Variants in HMGN4 observed in about 807,000 individuals in gnomAD.
HMGN4 encodes high mobility group nucleosomal binding domain 4.
For missense variants in HMGN4, 69 were observed against 104.9 expected (o/e 0.66, Z 1.49); for synonymous variants, 39 against 39.1 (o/e 1.00, Z 0.01).
chr6:26,538,761 G>T (rs1373052537), intron 1 of HMGN4, among the ~76,000 whole-genome samples: 1 of 152,196 alleles, frequency 6.6e-6, no homozygotes, highest in East Asian at 1.9e-4. Flanking sequence ...ACCGGGATGA[G>T]AAGTCCTAAT....
At chr6:26,539,321 T>A (rs1300333723) in intron 1 of HMGN4, among the ~76,000 whole-genome samples, 2 of 152,204 alleles carry the variant, frequency 1.3e-5, no homozygotes, top group Non-Finnish European at 2.9e-5. Context: ...CTCACTCTGT[T>A]GTCCAGGCTG....
rs1306805192 is a variant in HMGN4, at chr6:26,546,233, T to C, written c.*754T>C. On this transcript the variant is annotated 3_prime_UTR_variant, in exon 2 of 2. Coordinates refer to ENST00000377575, the MANE Select transcript of HMGN4 (RefSeq NM_006353.3). ...GTTTTTAAAAAGTATCATATAAAGCTGAATACAAATTGGTTTGGGGGGAGA... is the reference window on the plus strand; with the variant it reads ...GTTTTTAAAAAGTATCATATAAAGCCGAATACAAATTGGTTTGGGGGGAGA... 1.2e-5 allele frequency: 2 copies of C among 167,110 alleles called. No individual in the cohort carries two copies. Among genetic ancestry groups the C allele is most frequent in the Admixed American group, 6.5e-5 (1 of 15,286 alleles). 10.4% of individuals were successfully genotyped at this position (167,110 alleles called of 1,614,324 possible).
intron 1 of HMGN4, 131 bp downstream of exon 1, chr6:26,538,632 C>T (rs1764249543): frequency 6.5e-6 from 1 of 153,986 alleles, no homozygotes; most frequent in African/African-American, 2.4e-5. Context: ...CCTTGGGCCC[C>T]GTCAGCCCCG....
chr6:26,538,790 C>G (rs1764251448), intron 1 of HMGN4, among the ~76,000 whole-genome samples: 1 of 152,128 alleles, frequency 6.6e-6, no homozygotes, highest in South Asian at 2.1e-4. Flanking sequence ...TAGGGGCGTT[C>G]TAAAAGAAGG....
chr6:26,545,035 C>T (rs771708970), intron 1 of HMGN4, 92 bp from the exon 2 acceptor site: 62 of 454,126 alleles, frequency 1.4e-4, no homozygotes, highest in Non-Finnish European at 2.0e-4. Context: ...TTGATATACA[C>T]GAATTATTAA....
At chr6:26,544,859 G>A (rs1764329541) in intron 1 of HMGN4, among the ~76,000 whole-genome samples, 1 of 152,116 alleles carries the variant, frequency 6.6e-6, no homozygotes, top group South Asian at 2.1e-4. Flanking sequence ...AGAAGTACCT[G>A]TTAACATTTT....
intron 1 of HMGN4, among the ~76,000 whole-genome samples, chr6:26,544,700 G>A (rs1581447109): frequency 1.3e-5 from 2 of 152,116 alleles, no homozygotes; most frequent in South Asian, 4.1e-4. Context: ...AGTACATAAG[G>A]GTTTTGATTG....
intron 1 of HMGN4, among the ~76,000 whole-genome samples, chr6:26,538,988 GA>G (rs960137491): frequency 6.6e-6 from 1 of 152,096 alleles, no homozygotes; most frequent in African/African-American, 2.4e-5. Flanking sequence ...CCATCACAAA[GA>G]AAAAATGGAT....
Position 26,545,395 on chromosome 6 carries a change from A to T in HMGN4, c.189A>T (p.Gly63=). 1.9e-6 allele frequency: 3 copies of T among 1,613,892 alleles called. No individual in the cohort carries two copies. Among genetic ancestry groups the T allele is most frequent in the Non-Finnish European group, 2.5e-6 (3 of 1,179,938 alleles). ...PKGRKGKADA[G]KDGNNPAKNR... ...GGAGAAAGGGGAAAGCAGATGCTGG[A>T]AAGGATGGGAACAACCCTGCAAAAA... is the stretch of plus-strand genomic sequence containing the variant. The change falls in exon 2 of 2, where the codon GGA becomes GGT. Residue 63 remains glycine (G), a synonymous_variant. Coordinates refer to ENST00000377575, the MANE Select transcript of HMGN4 (RefSeq NM_006353.3).
At chr6:26,539,663 A>G (rs1345804946) in intron 1 of HMGN4, among the ~76,000 whole-genome samples, 1 of 151,244 alleles carries the variant, frequency 6.6e-6, no homozygotes. Context: ...AGAAAAGAAA[A>G]GAAAGAAAAG....
chr6:26,543,227 C>G (rs1337228953), intron 1 of HMGN4, among the ~76,000 whole-genome samples: 6 of 152,000 alleles, frequency 3.9e-5, no homozygotes. Context: ...TCACTGGTTC[C>G]TTCATTGTAA....
At position 26,545,821 on chromosome 6, in the gene HMGN4, C is replaced by T. The variant is rs1258621050; in HGVS notation, c.*342C>T. ...GGGGAACCAAAACTTCGTGTCTCCC[C>T]TTTCCCCGATGCCATCAGCATAGAC... On this transcript the variant is annotated 3_prime_UTR_variant, in exon 2 of 2. Transcript: ENST00000377575. The T allele has an allele frequency of 5.8e-6, 1 of 173,756 alleles. No individual in the cohort carries two copies. Among genetic ancestry groups the T allele is most frequent in the African/African-American group, 2.4e-5 (1 of 41,644 alleles). The allele number at this position is 173,756 out of a possible 1,614,324, so 10.8% of individuals were successfully genotyped here.
rs1409191193 is a variant in HMGN4 at position 26,542,387 on chromosome 6, A to G, written c.-80-2740A>G. Among the ~76,000 whole-genome samples, 1 of 152,218 alleles carries G rather than the reference A, an allele frequency of 6.6e-6. No individual in the cohort carries two copies. The highest frequency in any genetic ancestry group is 6.5e-5 in the Admixed American group (1 of 15,278). Reference sequence around the variant, plus strand: ...TTGATAGCTTATTATTAACTAAAATATATAGTTTACATCAGGGTTCACTCA... The same window carrying G: ...TTGATAGCTTATTATTAACTAAAATGTATAGTTTACATCAGGGTTCACTCA... On this transcript the variant is annotated intron_variant, in intron 1 of 1. Coordinates refer to ENST00000377575, the MANE Select transcript of HMGN4 (RefSeq NM_006353.3). The surrounding 1 kb of genome is among the most constrained non-coding windows in gnomAD (Gnocchi z 4.6).
intron 1 of HMGN4, among the ~76,000 whole-genome samples, chr6:26,541,863 T>C (rs1253995604): frequency 6.6e-6 from 1 of 152,226 alleles, no homozygotes; most frequent in African/African-American, 2.4e-5. Context: ...AGACGAGTGA[T>C]TCAAAACTTT....
rs2113579330 is a variant in HMGN4 at position 26,538,458 on chromosome 6, C to G, written c.-124C>G. 6.6e-6 allele frequency: 1 copy of G among 152,510 alleles called. No homozygotes were observed. The highest frequency in any genetic ancestry group is 1.5e-5 in the Non-Finnish European group (1 of 68,190). 9.4% of individuals were successfully genotyped at this position (152,510 alleles called of 1,614,324 possible). A position where few individuals can be genotyped will look rare whatever the true frequency, so the allele number is the denominator to read the frequency against. On this transcript the variant is annotated 5_prime_UTR_variant, in exon 1 of 2. Transcript: ENST00000377575. ...CCTAGGGCTCCGGCGCGTCACGGGC[C>G]TCAGCTGGGATTCCCGCGCCCCTCG...
rs1053893215 is a variant in HMGN4 at position 26,542,828 on chromosome 6, T to C, written c.-80-2299T>C. Among the ~76,000 whole-genome samples, 1 of 152,222 alleles carries C rather than the reference T, an allele frequency of 6.6e-6. No individual in the cohort carries two copies. Among genetic ancestry groups the C allele is most frequent in the African/African-American group, 2.4e-5 (1 of 41,444 alleles). ...TTGTCACCTGCTGTATTTTGGCCTT[T>C]GACATGTGGAGATCATGGCCCCCCT... On this transcript the variant is annotated intron_variant, in intron 1 of 1. Coordinates refer to ENST00000377575, the MANE Select transcript of HMGN4 (RefSeq NM_006353.3). The surrounding 1 kb of genome is among the most constrained non-coding windows in gnomAD (Gnocchi z 4.6).
At chr6:26,544,850 GA>G (rs939363523) in intron 1 of HMGN4, among the ~76,000 whole-genome samples, 5 of 152,110 alleles carry the variant, frequency 3.3e-5, no homozygotes, top group Non-Finnish European at 7.4e-5. Context: ...ATGCTTCCAA[GA>G]AGTACCTGTT....
chr6:26,540,442 C>T (rs1463847972), intron 1 of HMGN4, among the ~76,000 whole-genome samples: 2 of 151,680 alleles, frequency 1.3e-5, no homozygotes, highest in Non-Finnish European at 2.9e-5. Context: ...TCAAGTGATT[C>T]TCCTGCCTCA....
At chr6:26,539,653 AGAAAAG>A (rs753181536) in intron 1 of HMGN4, among the ~76,000 whole-genome samples, 8 of 138,898 alleles carry the variant, frequency 5.8e-5, no homozygotes, top group African/African-American at 1.9e-4. Flanking sequence ...AAAAAAAAAA[AGAAAAG>A]AAAAGAAAGA....
Sources: allele counts gnomAD v4.1 joint callset (sites outside exome capture counted in the v4.1 genomes callset), GRCh38; gene constraint gnomAD v4.1.1; non-coding constraint Gnocchi (gnomAD v3.1); transcripts MANE v1.5; gene names NCBI Gene and HGNC (gene_info 2026-07-23, HGNC 2026-07-21).